Variants in TLL2 observed in about 807,000 individuals in gnomAD.
TLL2 encodes tolloid like 2, also known as tolloid-like protein 2.
Under a neutral mutation model 123.0 loss-of-function variants are expected in TLL2, and 106 were observed. That is an observed-to-expected ratio of 0.86 (90% CI 0.74 to 1.01). The LOEUF is 1.01. Among genes scored for constraint, TLL2 ranks in the 50% least tolerant of loss-of-function variants. TLL2 has a pLI of 0.00. For missense variants in TLL2, 1,332 were observed against 1,336.7 expected (o/e 1.00, Z 0.06); for synonymous variants, 494 against 516.8 (o/e 0.96, Z 0.60).
rs758606928 is a variant in TLL2, at chr10:96,373,643, G to C, written c.2615C>G (p.Ser872Trp). The change falls in exon 19 of 21, where the codon TCG becomes TGG. Residue 872 changes from serine to tryptophan, a missense_variant. Physicochemically the swap from Ser to Trp is radical, Grantham distance 177. Transcript: ENST00000357947. ...SGSSMFLRFY[S>W]DASVQRKGFQ... ...GCCTTTCCTCTGCACTGAGGCATCC[G>C]AATAAAACCTGAGAAACATACTGCT... 1 of 1,614,188 alleles carries C rather than the reference G, an allele frequency of 6.2e-7. No homozygotes were observed. The highest frequency in any genetic ancestry group is 8.5e-7 in the Non-Finnish European group (1 of 1,180,046).
intron 8 of TLL2, among the ~76,000 whole-genome samples, chr10:96,412,145 T>C (rs1846513405): frequency 6.6e-6 from 1 of 152,182 alleles, no homozygotes; most frequent in South Asian, 2.1e-4. Context: ...TGTCCTGTAT[T>C]TCAGCCCTAA....
intron 2 of TLL2, among the ~76,000 whole-genome samples, chr10:96,448,857 ATC>A (rs1411258816): frequency 1.3e-5 from 2 of 152,098 alleles, no homozygotes; most frequent in East Asian, 3.9e-4. Context: ...GGTCTGGAGA[ATC>A]TGCTCATATG....
intron 2 of TLL2, among the ~76,000 whole-genome samples, chr10:96,465,686 C>T (rs1018205096): frequency 1.3e-5 from 2 of 152,162 alleles, no homozygotes; most frequent in African/African-American, 4.8e-5. Context: ...TGCCTCTTAC[C>T]CACTGGCCCC....
At chr10:96,513,064 T>G (rs1199484229) in intron 1 of TLL2, among the ~76,000 whole-genome samples, 1 of 152,232 alleles carries the variant, frequency 6.6e-6, no homozygotes, top group Admixed American at 6.5e-5. Flanking sequence ...ACCACAGATC[T>G]TGGGAAACTT....
intron 1 of TLL2, among the ~76,000 whole-genome samples, chr10:96,492,560 G>T (rs1441753726): frequency 1.3e-5 from 2 of 152,180 alleles, no homozygotes; most frequent in Non-Finnish European, 2.9e-5. Context: ...GGAGGCAGAG[G>T]TTGCAGTGAG....
At chr10:96,476,248 T>TTTTTTTTTGTTGTTGTTGTTG (rs1285354320) in intron 2 of TLL2, among the ~76,000 whole-genome samples, 1 of 69,230 alleles carries the variant, frequency 1.4e-5, no homozygotes, top group Admixed American at 1.5e-4. Context: ...ATATTTTATT[T>TTTTTTTTTGTTGTTGTTGTTG]TTGTTGTTGT....
intron 10 of TLL2, 103 bp from the exon 11 acceptor site, chr10:96,397,405 G>C (rs1846352767): frequency 2.5e-6 from 2 of 785,606 alleles, no homozygotes; most frequent in East Asian, 5.4e-5. Flanking sequence ...GGTTTGAAGT[G>C]AGCAATAACC....
intron 2 of TLL2, among the ~76,000 whole-genome samples, chr10:96,448,656 C>A: frequency 6.6e-6 from 1 of 152,086 alleles, no homozygotes; most frequent in East Asian, 1.9e-4. Flanking sequence ...AAATGACAAA[C>A]AAATAGCGAA....
At chr10:96,371,141 G>A (rs577776904) in intron 19 of TLL2, among the ~76,000 whole-genome samples, 1 of 152,180 alleles carries the variant, frequency 6.6e-6, no homozygotes, top group African/African-American at 2.4e-5. Flanking sequence ...GGCCAACATG[G>A]TGAAACCCTG....
intron 2 of TLL2, among the ~76,000 whole-genome samples, chr10:96,455,356 C>A (rs1345040281): frequency 6.6e-6 from 1 of 152,164 alleles, no homozygotes; most frequent in Admixed American, 6.5e-5. Flanking sequence ...CCAAGATACA[C>A]TGGGTAATTG....
At position 96,366,539 on chromosome 10, in the gene TLL2, T is replaced by C. The variant is rs1473601302; in HGVS notation, c.*1549A>G. ...TGCATTTCTCTGACCTTTCTTTGTA[T>C]CATTCTAGTTTTTGCTCCCAGCAAT... On this transcript the variant is annotated 3_prime_UTR_variant, in exon 21 of 21. Transcript: ENST00000357947. 1 of 152,676 alleles carries C rather than the reference T, an allele frequency of 6.5e-6. No homozygotes were observed. The highest frequency in any genetic ancestry group is 1.5e-5 in the Non-Finnish European group (1 of 68,040). The allele number at this position is 152,676 out of a possible 1,614,324, so 9.5% of individuals were successfully genotyped here.
At chr10:96,439,873 T>C (rs1189320669) in intron 3 of TLL2, among the ~76,000 whole-genome samples, 1 of 152,198 alleles carries the variant, frequency 6.6e-6, no homozygotes, top group Non-Finnish European at 1.5e-5. Flanking sequence ...TGGCCCACAC[T>C]ATGTTTTTTT....
rs1466849863 is a variant in TLL2 at position 96,476,216 on chromosome 10, T to TTATATATATATATATATATA, written c.286+4132_286+4133insTATATATATATATATATATA. On this transcript the variant is annotated intron_variant, in intron 2 of 20. Coordinates refer to ENST00000357947, the MANE Select transcript of TLL2 (RefSeq NM_012465.4). ...ATAAAGGTGTGGTTCCTTTTTAATT[T>TTATATATATATATATATATA]TATATGTATATATATATATATATAT... is the stretch of plus-strand genomic sequence containing the variant. Among the ~76,000 whole-genome samples, 29 of 33,308 alleles carry TTATATATATATATATATATA rather than the reference T, an allele frequency of 8.7e-4. 2 individuals are homozygous for TTATATATATATATATATATA. Among genetic ancestry groups the TTATATATATATATATATATA allele is most frequent in the Admixed American group, 1.9e-3 (4 of 2,102 alleles). 21.9% of individuals were successfully genotyped at this position (33,308 alleles called of 152,430 possible). A position where few individuals can be genotyped will look rare whatever the true frequency, so the allele number is the denominator to read the frequency against.
chr10:96,454,308 G>A (rs1198387268), intron 2 of TLL2, among the ~76,000 whole-genome samples: 1 of 152,202 alleles, frequency 6.6e-6, no homozygotes, highest in Non-Finnish European at 1.5e-5. Flanking sequence ...AAGATCACTG[G>A]CTCCTGCCTG....
Position 96,403,005 on chromosome 10 carries a change from A to G in TLL2, c.1267+2227T>C, listed in dbSNP as rs373464116. Among the ~76,000 whole-genome samples the G allele has an allele frequency of 3.9e-5, 6 of 152,306 alleles. No homozygotes were observed. In the East Asian group the frequency reaches 5.8e-4, roughly 15 times the overall value. On this transcript the variant is annotated intron_variant, in intron 10 of 20. Coordinates refer to ENST00000357947, the MANE Select transcript of TLL2 (RefSeq NM_012465.4). ...ATAACAAGTTGGGCTTTCTGCTCACATGAATATGTGCCAAGGACAAAGTCC... is the reference window on the plus strand; with the variant it reads ...ATAACAAGTTGGGCTTTCTGCTCACGTGAATATGTGCCAAGGACAAAGTCC...
At chr10:96,503,062 G>A (rs1331941586) in intron 1 of TLL2, among the ~76,000 whole-genome samples, 1 of 152,106 alleles carries the variant, frequency 6.6e-6, no homozygotes, top group Non-Finnish European at 1.5e-5. Flanking sequence ...GGCTGAGAGG[G>A]TACCATGAGA....
intron 2 of TLL2, among the ~76,000 whole-genome samples, chr10:96,466,778 G>T (rs143973087): frequency 3.3e-5 from 5 of 152,328 alleles, no homozygotes; most frequent in African/African-American, 1.2e-4. Flanking sequence ...GAACCCAGAC[G>T]TTGTGGTTAT....
chr10:96,471,000 T>G (rs1348741334), intron 2 of TLL2, among the ~76,000 whole-genome samples: 1 of 152,022 alleles, frequency 6.6e-6, no homozygotes, highest in Admixed American at 6.6e-5. Flanking sequence ...ACTTGGGAAG[T>G]CTTTTTTTTT....
chr10:96,510,405 A>G (rs1847617500), intron 1 of TLL2, among the ~76,000 whole-genome samples: 1 of 152,164 alleles, frequency 6.6e-6, no homozygotes, highest in Non-Finnish European at 1.5e-5. Context: ...CTCCCCCGTC[A>G]CTTGATTTAA....
Sources: gnomAD v4.1 joint callset for allele counts (sites outside exome capture counted in the v4.1 genomes callset) on GRCh38, gnomAD v4.1.1 for gene constraint, MANE v1.5 for transcripts, NCBI Gene and HGNC (gene_info 2026-07-23, HGNC 2026-07-21) for gene names.